BLOC1S6: variants seen among roughly 807,000 people sequenced by gnomAD.
BLOC1S6 encodes biogenesis of lysosomal organelles complex 1 subunit 6.
BLOC1S6 carries 24 observed loss-of-function variants against 24.7 expected under a neutral mutation model. The ratio of observed to expected loss-of-function variants is 0.97; its 90% CI spans 0.70 to 1.37. The LOEUF is 1.37. BLOC1S6 is among the 40% of genes most tolerant of loss of function. The probability of loss-of-function intolerance (pLI) is 0.00; values close to 1 mark genes in which losing one functional copy is unlikely to be tolerated. For synonymous variants in BLOC1S6, 76 were observed against 72.6 expected, an observed-to-expected ratio of 1.05 and a Z score of -0.23; for missense variants, 175 against 196.2, an observed-to-expected ratio of 0.89 and a Z score of 0.64.
At position 45,593,168 on chromosome 15, in the gene BLOC1S6, C is replaced by T. The variant is rs375028083; in HGVS notation, c.224+892C>T. Among the ~76,000 whole-genome samples the T allele has an allele frequency of 9.9e-5, 15 of 151,644 alleles. No homozygotes were observed. In the East Asian group the frequency reaches 1.7e-3, roughly 18 times the overall value. ...CAGCACTTTGGGAGGCTGAGGCGGG[C>T]GGATCACTTGAGGTCGGGAGTTTTA... On this transcript the variant is annotated intron_variant, in intron 2 of 4. Transcript: ENST00000220531.
chr15:45,602,987 T>C (rs1894322086), intron 2 of BLOC1S6, 113 bp from the exon 3 acceptor site: 3 of 724,970 alleles, frequency 4.1e-6, no homozygotes, highest in South Asian at 1.5e-5. Flanking sequence ...AGAGAGTTAA[T>C]ACATTTCCTA....
intron 2 of BLOC1S6, among the ~76,000 whole-genome samples, chr15:45,595,070 C>T (rs1429291793): frequency 2.0e-5 from 3 of 151,936 alleles, no homozygotes; most frequent in East Asian, 3.9e-4. Flanking sequence ...AGGAAACCCC[C>T]GCTGCCAGCA....
At chr15:45,604,504 T>C (rs1894384081) in intron 3 of BLOC1S6, among the ~76,000 whole-genome samples, 1 of 152,138 alleles carries the variant, frequency 6.6e-6, no homozygotes, top group Non-Finnish European at 1.5e-5. Flanking sequence ...GTTGAATGAA[T>C]TAACCAAGCA....
At chr15:45,588,470 T>G (rs1385850557) in intron 1 of BLOC1S6, among the ~76,000 whole-genome samples, 1 of 152,234 alleles carries the variant, frequency 6.6e-6, no homozygotes, top group Non-Finnish European at 1.5e-5. Context: ...CTTGAAACTT[T>G]GAAATTGCTC....
At chr15:45,588,004 G>A (rs775808679) in intron 1 of BLOC1S6, 12 of 540,406 alleles carry the variant, frequency 2.2e-5, no homozygotes, top group African/African-American at 5.7e-5. Flanking sequence ...AATGCCCTAA[G>A]GCATCCATTG....
intron 1 of BLOC1S6, among the ~76,000 whole-genome samples, chr15:45,591,385 C>T (rs750776030): frequency 9.2e-5 from 14 of 151,986 alleles, no homozygotes; most frequent in Admixed American, 2.0e-4. Flanking sequence ...GTTCAGTGAC[C>T]GTTACCCACG....
chr15:45,595,676 T>A (rs1320107366), intron 2 of BLOC1S6, among the ~76,000 whole-genome samples: 1 of 152,180 alleles, frequency 6.6e-6, no homozygotes, highest in Non-Finnish European at 1.5e-5. Flanking sequence ...TTTTCTTTTA[T>A]GAATTGTGCT....
intron 2 of BLOC1S6, chr15:45,602,332 G>T: frequency 1.5e-6 from 1 of 674,508 alleles, no homozygotes; most frequent in Non-Finnish European, 2.7e-6. Flanking sequence ...AGTTTTACAA[G>T]CAAATGACAT....
chr15:45,605,407 C>A (rs1355124931), intron 3 of BLOC1S6, 21 bp from the exon 4 acceptor site: 3 of 1,565,300 alleles, frequency 1.9e-6, no homozygotes, highest in Non-Finnish European at 2.6e-6. Context: ...CTTGACTTTT[C>A]ATTTATTTTT....
chr15:45,609,605 C>T lies in BLOC1S6; in HGVS notation c.*3091C>T, dbSNP rs989724136. On this transcript the variant is annotated 3_prime_UTR_variant, in exon 5 of 5. Coordinates refer to ENST00000220531, the MANE Select transcript of BLOC1S6 (RefSeq NM_012388.4). ...GTCCTCATTGAGTTTTTGGGTGATA[C>T]AGTTTATAAATATAACAATTATACA... 2.0e-5 allele frequency: 3 copies of T among 152,066 alleles called. No individual in the cohort carries two copies. Among genetic ancestry groups the T allele is most frequent in the African/African-American group, 7.2e-5 (3 of 41,410 alleles). The allele number at this position is 152,066 out of a possible 1,614,324, so 9.4% of individuals were successfully genotyped here. A position where few individuals can be genotyped will look rare whatever the true frequency, so the allele number is the denominator to read the frequency against.
In BLOC1S6 at chr15:45,587,539, G is replaced by A. The variant is rs1301977011; in HGVS notation, c.82+14G>A. On this transcript the variant is annotated intron_variant, in intron 1 of 4. Coordinates refer to ENST00000220531, the MANE Select transcript of BLOC1S6 (RefSeq NM_012388.4). The stretch of plus-strand genomic sequence containing the variant: ...AGCCGACGCCTGGTACGTACTATCG[G>A]GTGGGAAGCGCGGCCCGGGCTGGGT... 6.4e-7 allele frequency: 1 copy of A among 1,562,266 alleles called. No homozygotes were observed. The highest frequency in any genetic ancestry group is 8.7e-7 in the Non-Finnish European group (1 of 1,154,924).
At chr15:45,593,080 A>G (rs1194992319) in intron 2 of BLOC1S6, among the ~76,000 whole-genome samples, 1 of 152,102 alleles carries the variant, frequency 6.6e-6, no homozygotes, top group Non-Finnish European at 1.5e-5. Context: ...CCTTAGTGTT[A>G]AGGTGCTAAA....
In BLOC1S6 at chr15:45,606,594, T is replaced by G; in HGVS notation, c.*80T>G. 1.3e-6 allele frequency: 2 copies of G among 1,581,182 alleles called. No homozygotes were observed. The highest frequency in any genetic ancestry group is 1.7e-6 in the Non-Finnish European group (2 of 1,150,708). ...CAAGTGTAGACTGAAGTTGAGGTAG[T>G]GCCTTATGCCATTATGTCATATGTT... On this transcript the variant is annotated 3_prime_UTR_variant, in exon 5 of 5. Coordinates refer to ENST00000220531, the MANE Select transcript of BLOC1S6 (RefSeq NM_012388.4).
At chr15:45,589,125 C>A (rs1893792712) in intron 1 of BLOC1S6, among the ~76,000 whole-genome samples, 6 of 152,168 alleles carry the variant, frequency 3.9e-5, no homozygotes. Context: ...AATAATCCAT[C>A]TATGGGGGAC....
At chr15:45,588,648 G>A (rs1469757725) in intron 1 of BLOC1S6, among the ~76,000 whole-genome samples, 1 of 152,146 alleles carries the variant, frequency 6.6e-6, no homozygotes, top group African/African-American at 2.4e-5. Context: ...CCAAGATAAA[G>A]CTTCAGTCAT....
intron 2 of BLOC1S6, among the ~76,000 whole-genome samples, chr15:45,596,363 G>A: frequency 6.6e-6 from 1 of 151,602 alleles, no homozygotes; most frequent in East Asian, 2.0e-4. Context: ...ACACCTGGCT[G>A]ATTTTTGTAT....
chr15:45,606,115 T>C (rs1252727898), intron 4 of BLOC1S6, among the ~76,000 whole-genome samples: 3 of 152,260 alleles, frequency 2.0e-5, no homozygotes, highest in African/African-American at 4.8e-5. Flanking sequence ...CTTAAAAATA[T>C]CATTTTTTTT....
Position 45,609,127 on chromosome 15 carries a change from A to G in BLOC1S6, c.*2613A>G, listed in dbSNP as rs1894588155. On this transcript the variant is annotated 3_prime_UTR_variant, in exon 5 of 5. Coordinates refer to ENST00000220531, the MANE Select transcript of BLOC1S6 (RefSeq NM_012388.4). ...AACCAGAAGTACTGTTATTTTGGTG[A>G]TTAAAATCCAAAACTTTAGCTGTAT... 6.6e-6 allele frequency: 1 copy of G among 152,192 alleles called. No individual in the cohort carries two copies. The highest frequency in any genetic ancestry group is 2.1e-4 in the South Asian group (1 of 4,820). 9.4% of individuals were successfully genotyped at this position (152,192 alleles called of 1,614,324 possible).
chr15:45,600,217 A>G (rs1894223827), intron 2 of BLOC1S6, among the ~76,000 whole-genome samples: 1 of 147,594 alleles, frequency 6.8e-6, no homozygotes, highest in African/African-American at 2.5e-5. Flanking sequence ...GCATTGGGAG[A>G]TATACCTAAT....
Sources: gnomAD v4.1 joint callset for allele counts (sites outside exome capture counted in the v4.1 genomes callset) on GRCh38, gnomAD v4.1.1 for gene constraint, MANE v1.5 for transcripts, NCBI Gene and HGNC (gene_info 2026-07-23, HGNC 2026-07-21) for gene names.